The following CHLSN variants were observed in gnomAD, a reference collection of about 807,000 sequenced individuals.
CHLSN encodes cholesin.
the CHLSN span, chr7:986,915 TG>T: frequency 7.5e-7 from 1 of 1,330,806 alleles, no homozygotes; most frequent in Non-Finnish European, 9.9e-7. Context: ...ACCTCCTGGC[TG>T]GGGGCCTCTC....
the CHLSN span, chr7:1,080,765 C>G: frequency 6.6e-6 from 1 of 152,306 alleles, no homozygotes. Flanking sequence ...CAGCAATGAC[C>G]TCATCCCTCT....
At chr7:1,028,408 A>G in the CHLSN span, 1 of 986,614 alleles carries the variant, frequency 1.0e-6, no homozygotes. Context: ...AACCAGATCC[A>G]GCCGGCTGGA....
chr7:987,035 G>A, the CHLSN span: 2 of 1,426,366 alleles, frequency 1.4e-6, no homozygotes, highest in Non-Finnish European at 1.8e-6. Context: ...TGGAGCCCAG[G>A]GCTGGGCTGG....
the CHLSN span, among the ~76,000 whole-genome samples, chr7:1,095,731 C>G: frequency 1.3e-5 from 2 of 152,236 alleles, no homozygotes; most frequent in East Asian, 1.9e-4. Context: ...CTGCTCGAAG[C>G]CTTAAATGGT....
the CHLSN span, among the ~76,000 whole-genome samples, chr7:982,327 T>C: frequency 6.6e-6 from 1 of 152,232 alleles, no homozygotes; most frequent in East Asian, 1.9e-4. Context: ...GTACAGGGCA[T>C]GGGCAACGCC....
the CHLSN span, chr7:1,092,790 T>A: frequency 6.2e-7 from 1 of 1,613,628 alleles, no homozygotes; most frequent in Non-Finnish European, 8.5e-7. Flanking sequence ...TCTGTCACGC[T>A]GCCCTGAAGG....
At chr7:987,448 G>C in the CHLSN span, 1 of 1,583,350 alleles carries the variant, frequency 6.3e-7, no homozygotes, top group Non-Finnish European at 8.5e-7. Flanking sequence ...GCTCCACGAG[G>C]TGCAGCGGTT....
the CHLSN span, among the ~76,000 whole-genome samples, chr7:996,105 G>T: frequency 1.3e-5 from 2 of 152,228 alleles, no homozygotes; most frequent in Non-Finnish European, 2.9e-5. Context: ...GTAGACGTCC[G>T]TGGGTCACAG....
At chr7:1,113,913 G>A in the CHLSN span, among the ~76,000 whole-genome samples, 1 of 152,216 alleles carries the variant, frequency 6.6e-6, no homozygotes, top group Non-Finnish European at 1.5e-5. Flanking sequence ...TCTCAAACTT[G>A]TCTCCAGGGA....
chr7:1,115,583 G>C, the CHLSN span, among the ~76,000 whole-genome samples: 51,544 of 115,472 alleles, frequency 0.45, 15,228 homozygotes, highest in African/African-American at 0.64. Context: ...CCAACGCCCA[G>C]GCAGGATGGC....
chr7:1,028,872 G>GC, the CHLSN span: 1 of 728,408 alleles, frequency 1.4e-6, no homozygotes, highest in Non-Finnish European at 1.6e-6. Flanking sequence ...TCCCCAATCT[G>GC]CCCCATCTCT....
chr7:1,008,797 CGTGTATACAT>C, the CHLSN span, among the ~76,000 whole-genome samples: 1 of 149,012 alleles, frequency 6.7e-6, no homozygotes. Flanking sequence ...CATGTACACA[CGTGTATACAT>C]GTACACACGC....
At chr7:1,119,604 A>G in the CHLSN span, among the ~76,000 whole-genome samples, 1 of 152,230 alleles carries the variant, frequency 6.6e-6, no homozygotes, top group Admixed American at 6.5e-5. Context: ...GGCTGGGCGC[A>G]GTGGCTCACG....
the CHLSN span, chr7:1,058,813 A>G: frequency 2.3e-6 from 1 of 426,304 alleles, no homozygotes; most frequent in East Asian, 4.0e-5. Context: ...TCAGTTTGTC[A>G]ATGAAGTGAT....
the CHLSN span, among the ~76,000 whole-genome samples, chr7:1,060,869 A>G: frequency 1.3e-5 from 2 of 152,158 alleles, no homozygotes; most frequent in Non-Finnish European, 2.9e-5. Context: ...AAACCCTGGC[A>G]TCCGATGAGG....
At chr7:1,012,358 G>A in the CHLSN span, among the ~76,000 whole-genome samples, 1 of 152,246 alleles carries the variant, frequency 6.6e-6, no homozygotes, top group African/African-American at 2.4e-5. Context: ...CAACGTGGGC[G>A]CTGGCCTGGG....
the CHLSN span, among the ~76,000 whole-genome samples, chr7:1,014,392 C>T: frequency 3.9e-5 from 6 of 152,228 alleles, no homozygotes; most frequent in African/African-American, 1.4e-4. Context: ...CCCGTAGACT[C>T]GACTGAGGCA....
the CHLSN span, chr7:1,010,114 G>A: frequency 1.5e-5 from 24 of 1,612,342 alleles, no homozygotes; most frequent in South Asian, 2.2e-5. Flanking sequence ...CTGGCTCTGC[G>A]TCCAGCCCGG....
chr7:991,122 G>A, the CHLSN span, among the ~76,000 whole-genome samples: 3 of 152,048 alleles, frequency 2.0e-5, no homozygotes, highest in Admixed American at 6.5e-5. Flanking sequence ...CGAGGCCCAC[G>A]TGGGGAGGAA....
Sources: allele counts gnomAD v4.1 joint callset (sites outside exome capture counted in the v4.1 genomes callset), GRCh38; gene constraint gnomAD v4.1.1; transcripts MANE v1.5; gene names NCBI Gene and HGNC (gene_info 2026-07-23, HGNC 2026-07-21).